Variants in LEPROTL1 observed in about 807,000 individuals in gnomAD.
LEPROTL1 encodes the protein leptin receptor overlapping transcript like 1.
A neutral mutation model predicts 15.4 loss-of-function variants in LEPROTL1; 6 were observed. The ratio of observed to expected loss-of-function variants is 0.39; its 90% confidence interval spans 0.21 to 0.77. The LOEUF is 0.77. Among genes scored for constraint, LEPROTL1 ranks in the 30% least tolerant of loss-of-function variants. The probability of loss-of-function intolerance (pLI) is 0.41; values close to 1 mark genes in which losing one functional copy is unlikely to be tolerated. For missense variants in LEPROTL1, 128 were observed against 158.1 expected (o/e 0.81, Z 1.02); for synonymous variants, 56 against 52.6 (o/e 1.06, Z -0.28).
intron 1 of LEPROTL1, chr8:30,096,465 A>G (rs1188473227): frequency 4.5e-6 from 4 of 886,618 alleles, no homozygotes; most frequent in Non-Finnish European, 5.4e-6. Context: ...TTTCTTCTCT[A>G]AGGAAAACTT....
intron 3 of LEPROTL1, among the ~76,000 whole-genome samples, chr8:30,122,099 C>G (rs565666711): frequency 6.6e-5 from 10 of 150,778 alleles, no homozygotes; most frequent in Admixed American, 6.0e-4. Context: ...CCCGGGAGGC[C>G]GAGGTTTCAG....
Position 30,101,616 on chromosome 8 carries a change from C to T in LEPROTL1, c.17-282C>T, listed in dbSNP as rs146877174. ...CTGGGAGGTGGAGGTTGTGGTGAGC[C>T]GAGATCAAGCCATTGGACTCCAGCC... On this transcript the variant is annotated intron_variant, in intron 1 of 3. Coordinates refer to ENST00000321250, the MANE Select transcript of LEPROTL1 (RefSeq NM_015344.3). Among the ~76,000 whole-genome samples the T allele has an allele frequency of 9.0e-3, 1,315 of 146,882 alleles. 8 individuals are homozygous for T. Among genetic ancestry groups the T allele is most frequent in the Non-Finnish European group, 0.014 (955 of 67,394 alleles).
At chr8:30,096,251 A>G in intron 1 of LEPROTL1, 2 of 961,238 alleles carry the variant, frequency 2.1e-6, no homozygotes, top group Non-Finnish European at 2.5e-6. Context: ...ATGAAAAACT[A>G]CTGGCTTATT....
At chr8:30,121,049 C>A (rs180809079) in intron 3 of LEPROTL1, among the ~76,000 whole-genome samples, 1 of 152,132 alleles carries the variant, frequency 6.6e-6, no homozygotes, top group African/African-American at 2.4e-5. Flanking sequence ...TAGGTACCTC[C>A]TATGGAATCA....
At chr8:30,129,534 G>T (rs1025717832) in intron 3 of LEPROTL1, among the ~76,000 whole-genome samples, 1 of 151,954 alleles carries the variant, frequency 6.6e-6, no homozygotes, top group Admixed American at 6.6e-5. Flanking sequence ...GTGAAACCCC[G>T]TCTCTGCTAA....
chr8:30,102,690 G>T (rs1802489732), intron 2 of LEPROTL1, among the ~76,000 whole-genome samples: 1 of 150,662 alleles, frequency 6.6e-6, no homozygotes, highest in Non-Finnish European at 1.5e-5. Flanking sequence ...AGGATAGAAA[G>T]AACTTCTCAA....
In LEPROTL1 at chr8:30,106,346, T is replaced by A; in HGVS notation, c.*484T>A. On this transcript the variant is annotated 3_prime_UTR_variant, in exon 4 of 4. Transcript: ENST00000321250. Reference sequence around the variant, plus strand: ...GTCAGGATGACATCACTCCCAATGTTATGCAGACATACAGACGGTTGGCAT... The same window carrying A: ...GTCAGGATGACATCACTCCCAATGTAATGCAGACATACAGACGGTTGGCAT... 2.0e-6 allele frequency: 2 copies of A among 986,548 alleles called. No individual in the cohort carries two copies. The highest frequency in any genetic ancestry group is 2.4e-6 in the Non-Finnish European group (2 of 830,396). The allele number at this position is 986,548 out of a possible 1,614,324, so 61.1% of individuals were successfully genotyped here.
At chr8:30,116,370 G>A (rs1041932664) in intron 3 of LEPROTL1, among the ~76,000 whole-genome samples, 3 of 152,142 alleles carry the variant, frequency 2.0e-5, no homozygotes, top group African/African-American at 7.2e-5. Flanking sequence ...GTTTTTCCAT[G>A]GACAGGGAGG....
At chr8:30,111,072 C>G (rs141961530), downstream of LEPROTL1, among the ~76,000 whole-genome samples, 91 of 152,286 alleles carry the variant, frequency 6.0e-4, no homozygotes, top group African/African-American at 2.1e-3. Context: ...CTTATGTCAT[C>G]TATTTGAAGA....
At chr8:30,119,505 A>G (rs1468837632) in intron 3 of LEPROTL1, among the ~76,000 whole-genome samples, 1 of 152,116 alleles carries the variant, frequency 6.6e-6, no homozygotes, top group Non-Finnish European at 1.5e-5. Flanking sequence ...AAACTTTACA[A>G]TTCACTTGTC....
downstream of LEPROTL1, chr8:30,137,843 T>G: frequency 3.3e-6 from 1 of 306,118 alleles, no homozygotes; most frequent in Non-Finnish European, 6.2e-6. Context: ...AATTATGGTT[T>G]AGGAGTCATG....
intron 4 of LEPROTL1, chr8:30,132,793 C>T (rs1020238174): frequency 3.2e-6 from 5 of 1,551,760 alleles, no homozygotes; most frequent in Middle Eastern, 3.3e-4. Context: ...AGACAAAGAG[C>T]TCCTGCTCCT....
At chr8:30,135,961 T>C (rs1030391123) in intron 4 of LEPROTL1, among the ~76,000 whole-genome samples, 13 of 148,668 alleles carry the variant, frequency 8.7e-5, no homozygotes, top group Admixed American at 5.4e-4. Flanking sequence ...CACTCTACAG[T>C]CAGAAATGCT....
downstream of LEPROTL1, chr8:30,108,673 T>C (rs1306178038): frequency 6.6e-6 from 1 of 151,626 alleles, no homozygotes; most frequent in South Asian, 2.1e-4. Context: ...ACTTGCTTTG[T>C]GCCCAGGCTG....
In LEPROTL1 at chr8:30,095,435, T is replaced by G. The variant is rs1462055675; in HGVS notation, c.-78T>G. The G allele has an allele frequency of 3.6e-6, 5 of 1,392,316 alleles. No homozygotes were observed. The highest frequency in any genetic ancestry group is 4.7e-6 in the Non-Finnish European group (5 of 1,055,518). 86.2% of individuals were successfully genotyped at this position (1,392,316 alleles called of 1,614,324 possible). A position where few individuals can be genotyped will look rare whatever the true frequency, so the allele number is the denominator to read the frequency against. On this transcript the variant is annotated 5_prime_UTR_variant, in exon 1 of 4. Transcript: ENST00000321250. ...ACTTCCGGGTGTTGTCTGGCCGCCGTAGCGCGTCTTGGGTCTCCCGGCTGC... is the reference window on the plus strand; with the variant it reads ...ACTTCCGGGTGTTGTCTGGCCGCCGGAGCGCGTCTTGGGTCTCCCGGCTGC...
chr8:30,113,104 C>G (rs1384656268), downstream of LEPROTL1, among the ~76,000 whole-genome samples: 1 of 131,042 alleles, frequency 7.6e-6, no homozygotes, highest in Non-Finnish European at 1.6e-5. Context: ...AACCCCGTCT[C>G]TCCAAAAAAA....
chr8:30,114,123 A>G (rs1158669959), intron 3 of LEPROTL1, among the ~76,000 whole-genome samples: 3 of 152,164 alleles, frequency 2.0e-5, no homozygotes, highest in Non-Finnish European at 2.9e-5. Flanking sequence ...TCAAAGACAC[A>G]TAGTATAATC....
At chr8:30,101,800 T>C in intron 1 of LEPROTL1, 98 bp from the exon 2 acceptor site, 2 of 706,820 alleles carry the variant, frequency 2.8e-6, no homozygotes, top group Non-Finnish European at 4.7e-6. Flanking sequence ...GTTTTAGGGA[T>C]TTTTGCTTCT....
chr8:30,102,729 A>G (rs1802490500), intron 2 of LEPROTL1, among the ~76,000 whole-genome samples: 1 of 152,188 alleles, frequency 6.6e-6, no homozygotes, highest in Non-Finnish European at 1.5e-5. Flanking sequence ...TAGATAAATT[A>G]GAAAAAGATG....
Sources: gnomAD v4.1 joint callset for allele counts (sites outside exome capture counted in the v4.1 genomes callset) on GRCh38, gnomAD v4.1.1 for gene constraint, MANE v1.5 for transcripts, NCBI Gene and HGNC (gene_info 2026-07-23, HGNC 2026-07-21) for gene names.